AOPEP: variants seen among roughly 807,000 people sequenced by gnomAD.
The protein encoded by AOPEP is aminopeptidase O (putative).
Under a neutral mutation model 98.1 loss-of-function variants are expected in AOPEP, and 77 were observed. The observed-to-expected ratio is 0.78, with a 90% CI of 0.65 to 0.95. AOPEP has a LOEUF of 0.95. Ranked by LOEUF, AOPEP falls within the 40% of genes least tolerant of loss-of-function variation. The pLI, the probability that AOPEP is intolerant of heterozygous loss-of-function variation, is 0.00. For synonymous variants in AOPEP, 346 were observed against 365.3 expected, an observed-to-expected ratio of 0.95 and a Z score of 0.60; for missense variants, 1,024 against 1,024.7, an observed-to-expected ratio of 1.00 and a Z score of 0.01.
chr9:95,050,874 C>T (rs923327382), intron 13 of AOPEP, among the ~76,000 whole-genome samples: 19 of 152,244 alleles, frequency 1.2e-4, no homozygotes, highest in South Asian at 4.2e-4. Context: ...TTAGTGTTTC[C>T]GACTCCAGAA....
intron 13 of AOPEP, among the ~76,000 whole-genome samples, chr9:95,025,304 G>A (rs966481629): frequency 3.3e-5 from 5 of 152,178 alleles, no homozygotes; most frequent in Admixed American, 6.5e-5. Context: ...ACATATGCTG[G>A]TGTCCCCCTA....
chr9:94,848,670 A>C (rs904770572), intron 5 of AOPEP, among the ~76,000 whole-genome samples: 3 of 152,032 alleles, frequency 2.0e-5, no homozygotes, highest in South Asian at 2.1e-4. Context: ...CAAAAAAAAA[A>C]CATGGAGCTT....
At chr9:95,084,813 G>A (rs909883407) in intron 16 of AOPEP, among the ~76,000 whole-genome samples, 8 of 151,856 alleles carry the variant, frequency 5.3e-5, no homozygotes, top group Non-Finnish European at 1.2e-4. Context: ...AACAGTGGCC[G>A]GGATTGTCCC....
At chr9:94,908,493 A>G (rs1223473199) in intron 5 of AOPEP, among the ~76,000 whole-genome samples, 4 of 152,194 alleles carry the variant, frequency 2.6e-5, no homozygotes, top group Admixed American at 2.0e-4. Flanking sequence ...GGGGAAGGGA[A>G]AAGGGAGCTA....
At chr9:94,821,996 C>T (rs1853295480) in intron 5 of AOPEP, among the ~76,000 whole-genome samples, 1 of 147,052 alleles carries the variant, frequency 6.8e-6, no homozygotes, top group Non-Finnish European at 1.5e-5. Flanking sequence ...CACACACACA[C>T]ACACACACAC....
At chr9:94,953,321 C>T (rs1270445343) in intron 7 of AOPEP, among the ~76,000 whole-genome samples, 3 of 152,128 alleles carry the variant, frequency 2.0e-5, no homozygotes, top group Non-Finnish European at 1.5e-5. Context: ...AGTCAGGGAT[C>T]GAGTAGAAAA....
At chr9:94,959,227 TAGAGAC>T (rs922115597) in intron 9 of AOPEP, among the ~76,000 whole-genome samples, 2 of 152,102 alleles carry the variant, frequency 1.3e-5, no homozygotes, top group African/African-American at 4.8e-5. Flanking sequence ...GTATTTTTAG[TAGAGAC>T]AGGGTTTCAC....
At chr9:95,089,131 C>T (rs1426485830), downstream of AOPEP, among the ~76,000 whole-genome samples, 1 of 152,252 alleles carries the variant, frequency 6.6e-6, no homozygotes, top group African/African-American at 2.4e-5. Context: ...GCTAGCTGCT[C>T]CTCTGGCATC....
At chr9:94,888,705 G>T (rs1223649912) in intron 5 of AOPEP, among the ~76,000 whole-genome samples, 1 of 152,120 alleles carries the variant, frequency 6.6e-6, no homozygotes, top group Admixed American at 6.5e-5. Flanking sequence ...TGAGGTTGGG[G>T]TCTAGGGTTT....
the AOPEP span, among the ~76,000 whole-genome samples, chr9:95,144,185 C>T: frequency 3.9e-5 from 6 of 152,184 alleles, no homozygotes; most frequent in Non-Finnish European, 7.3e-5. Flanking sequence ...GGATCAGCCT[C>T]GCTGTGTCAA....
At chr9:94,743,271 AGAG>A (rs966415604) in intron 1 of AOPEP, among the ~76,000 whole-genome samples, 2 of 152,088 alleles carry the variant, frequency 1.3e-5, no homozygotes, top group African/African-American at 4.8e-5. Context: ...AAGAAGAAGA[AGAG>A]ATGTGGATGA....
At chr9:94,819,850 G>C (rs1195359507) in intron 5 of AOPEP, among the ~76,000 whole-genome samples, 1 of 151,912 alleles carries the variant, frequency 6.6e-6, no homozygotes, top group Non-Finnish European at 1.5e-5. Context: ...TGGGATTACA[G>C]GAATGAGCCA....
chr9:95,073,195 T>C (rs902725993), intron 14 of AOPEP, among the ~76,000 whole-genome samples: 3 of 152,168 alleles, frequency 2.0e-5, no homozygotes, highest in African/African-American at 7.2e-5. Flanking sequence ...TGCTCAGCCA[T>C]GTGGTTCCTA....
the AOPEP span, among the ~76,000 whole-genome samples, chr9:95,098,158 G>A: frequency 2.0e-4 from 31 of 152,244 alleles, no homozygotes; most frequent in African/African-American, 7.2e-4. Context: ...CAGTGCATCC[G>A]CCGTCCTCTG....
In AOPEP at chr9:94,759,931, G is replaced by A; in HGVS notation, c.148G>A (p.Gly50Arg). Residue 50 changes from glycine to arginine, a missense_variant, in exon 2 of 17, where the codon GGA becomes AGA. This residue lies in a region of AOPEP where 440 missense variants were observed against 433.8 expected (regional missense o/e 1.01). Coordinates refer to ENST00000375315, the MANE Select transcript of AOPEP (RefSeq NM_001193329.3). ...GACCATAGTGCTTTTCCTCGAGGAT[G>A]GAAACAGATTCAAGAAACAGAATAG... ...EGTIVLFLED[G>R]NRFKKQNSSI... 1 of 1,614,118 alleles carries A rather than the reference G, an allele frequency of 6.2e-7. No homozygotes were observed.
intron 10 of AOPEP, among the ~76,000 whole-genome samples, chr9:94,971,948 G>A (rs1021690120): frequency 9.2e-5 from 14 of 152,202 alleles, no homozygotes; most frequent in African/African-American, 3.4e-4. Context: ...CGGGCTTAAG[G>A]AAGGCAGTGC....
the AOPEP span, among the ~76,000 whole-genome samples, chr9:95,120,709 T>C: frequency 6.6e-6 from 1 of 152,234 alleles, no homozygotes; most frequent in South Asian, 2.1e-4. Context: ...ATTACAGGCA[T>C]GAGCCGCCGT....
chr9:94,905,469 G>A (rs575234056), intron 5 of AOPEP, among the ~76,000 whole-genome samples: 14 of 152,288 alleles, frequency 9.2e-5, no homozygotes, highest in East Asian at 7.7e-4. Flanking sequence ...TAAGAGTTCC[G>A]TAAAATAAGG....
At chr9:94,765,649 C>T (rs751513564) in intron 2 of AOPEP, among the ~76,000 whole-genome samples, 1 of 151,730 alleles carries the variant, frequency 6.6e-6, no homozygotes, top group Admixed American at 6.6e-5. Context: ...GATTTCTACC[C>T]TGAAATCTCT....
Sources: gnomAD v4.1 joint callset for allele counts (sites outside exome capture counted in the v4.1 genomes callset) on GRCh38, gnomAD v4.1.1 for gene constraint, gnomAD v4.1.1 regional missense constraint, MANE v1.5 for transcripts, NCBI Gene and HGNC (gene_info 2026-07-23, HGNC 2026-07-21) for gene names.